PCDH15: variants seen among roughly 807,000 people sequenced by gnomAD.
PCDH15 encodes protocadherin related 15.
Under a neutral mutation model 178.5 loss-of-function variants are expected in PCDH15, and 129 were observed. The observed-to-expected ratio is 0.72, with a 90% CI of 0.63 to 0.84. PCDH15 has a LOEUF of 0.84. PCDH15 is among the 40% of genes least tolerant of loss of function. PCDH15 has a pLI of 0.00. For missense variants in PCDH15, 2,230 were observed against 2,099.9 expected (o/e 1.06, Z -1.21); for synonymous variants, 800 against 732.0 (o/e 1.09, Z -1.50).
At chr10:54,069,512 C>T (rs942242614) in intron 17 of PCDH15, among the ~76,000 whole-genome samples, 2 of 152,108 alleles carry the variant, frequency 1.3e-5, no homozygotes, top group African/African-American at 4.8e-5. Flanking sequence ...AAATCCATGT[C>T]TTACAGAAAT....
At chr10:54,316,529 TACACACACACACACACACACACAC>T (rs35604056) in intron 8 of PCDH15, among the ~76,000 whole-genome samples, 2 of 132,298 alleles carry the variant, frequency 1.5e-5, no homozygotes, top group African/African-American at 5.5e-5. Flanking sequence ...AATATGTGTA[TACACACACACACACACACACACAC>T]ACACACACAC....
At chr10:55,106,282 C>A (rs372148948) in intron 2 of PCDH15, among the ~76,000 whole-genome samples, 2 of 152,196 alleles carry the variant, frequency 1.3e-5, no homozygotes, top group African/African-American at 4.8e-5. Context: ...AATATGACTA[C>A]ATATGAAGAC....
At chr10:55,254,302 A>G (rs1841927975) in intron 1 of PCDH15, among the ~76,000 whole-genome samples, 1 of 152,130 alleles carries the variant, frequency 6.6e-6, no homozygotes, top group African/African-American at 2.4e-5. Flanking sequence ...TTGATTTTCT[A>G]TGTGGTTATG....
rs756714519 is a variant in PCDH15, at chr10:53,810,592, C to G, written c.4635G>C (p.Val1545=). 1 of 1,613,812 alleles carries G rather than the reference C, an allele frequency of 6.2e-7. No individual in the cohort carries two copies. The highest frequency in any genetic ancestry group is 8.5e-7 in the Non-Finnish European group (1 of 1,179,818). The stretch of plus-strand genomic sequence containing the variant: ...CATATTCTTCCTCAGCTTCACCAAC[C>G]ACCTCACCATATTCCTCCTGTCCAG... ...PPAGQEEYGE[V]VGEAEEEYEE... Residue 1545 remains valine, a synonymous_variant, in exon 37 of 38, where the codon GTG becomes GTC. Transcript: ENST00000644397.
At chr10:55,509,319 C>T (rs914571333) in intron 2 of PCDH15, among the ~76,000 whole-genome samples, 2 of 151,740 alleles carry the variant, frequency 1.3e-5, no homozygotes, top group African/African-American at 4.8e-5. Context: ...ACATAGTTCG[C>T]TGTTAAAAAC....
rs144361159 is a variant in PCDH15, at chr10:54,541,672, A to AG, written c.92-13796_92-13795insC. 0.089 allele frequency among the ~76,000 whole-genome samples: 13,508 copies of AG among 151,848 alleles called. 657 individuals carry two copies. Among genetic ancestry groups the AG allele is most frequent in the Non-Finnish European group, 0.11 (7,486 of 67,952 alleles). ...ATATAAAGGAGAAAGGAAAAGGATA[A>AG]TATTTGTGTCCATGTGGAAAACAAA... On this transcript the variant is annotated intron_variant, in intron 2 of 37. Coordinates refer to ENST00000644397, the MANE Select transcript of PCDH15 (RefSeq NM_001384140.1).
intron 2 of PCDH15, among the ~76,000 whole-genome samples, chr10:55,606,882 C>G (rs1339587040): frequency 7.4e-6 from 1 of 135,608 alleles, no homozygotes; most frequent in Non-Finnish European, 1.6e-5. Context: ...GCAACAAAAG[C>G]CAAAATTGAC....
intron 1 of PCDH15, among the ~76,000 whole-genome samples, chr10:54,733,842 A>C (rs1241821773): frequency 6.8e-6 from 1 of 148,062 alleles, no homozygotes; most frequent in African/African-American, 2.5e-5. Flanking sequence ...AATAATAAAA[A>C]GACTTAATTT....
At chr10:55,159,365 C>CTATATA (rs1181041481) in intron 2 of PCDH15, among the ~76,000 whole-genome samples, 6 of 17,272 alleles carry the variant, frequency 3.5e-4, no homozygotes, top group Admixed American at 2.4e-3. Context: ...ATCTATCTAT[C>CTATATA]TATCTATATA....
chr10:55,103,876 C>T (rs1167998856), intron 2 of PCDH15, among the ~76,000 whole-genome samples: 1 of 152,066 alleles, frequency 6.6e-6, no homozygotes, highest in Non-Finnish European at 1.5e-5. Flanking sequence ...AAGACAGTTG[C>T]TTACTGACAA....
At chr10:53,881,768 C>T (rs1211774257) in intron 26 of PCDH15, among the ~76,000 whole-genome samples, 2 of 151,894 alleles carry the variant, frequency 1.3e-5, no homozygotes, top group Non-Finnish European at 2.9e-5. Context: ...TTGTGGTTCA[C>T]AAAATATACT....
At chr10:54,959,796 A>G (rs2131882825) in intron 2 of PCDH15, among the ~76,000 whole-genome samples, 1 of 152,232 alleles carries the variant, frequency 6.6e-6, no homozygotes, top group Non-Finnish European at 1.5e-5. Context: ...AAAATTGTCC[A>G]GTTTTCTTGT....
intron 32 of PCDH15, among the ~76,000 whole-genome samples, chr10:53,825,622 T>C (rs1468093197): frequency 6.6e-6 from 1 of 151,610 alleles, no homozygotes; most frequent in East Asian, 1.9e-4. Context: ...TAGGAAGTTA[T>C]CATACGAAGT....
rs151196625 is a variant in PCDH15 at position 55,308,030 on chromosome 10, A to G, written c.-156+11569T>C. ...AGTCATACTAACATGCATTCCTATTAGTGCATTATCATTAAAAATTACTTT... is the reference window on the plus strand; with the variant it reads ...AGTCATACTAACATGCATTCCTATTGGTGCATTATCATTAAAAATTACTTT... On this transcript the variant is annotated intron_variant, in intron 1 of 5. Transcript: ENST00000458638. 7.9e-3 allele frequency among the ~76,000 whole-genome samples: 1,199 copies of G among 152,280 alleles called. 21 individuals are homozygous for G. The highest frequency in any genetic ancestry group is 0.028 in the African/African-American group (1,157 of 41,562).
At chr10:54,311,435 A>G (rs2060900966) in intron 8 of PCDH15, among the ~76,000 whole-genome samples, 1 of 152,078 alleles carries the variant, frequency 6.6e-6, no homozygotes. Flanking sequence ...TAGAAAATAA[A>G]GCCAAGGATT....
At chr10:54,792,175 C>G (rs1228201939) in intron 1 of PCDH15, among the ~76,000 whole-genome samples, 1 of 151,964 alleles carries the variant, frequency 6.6e-6, no homozygotes, top group African/African-American at 2.4e-5. Context: ...TATCTTTACT[C>G]TAAACAAAGG....
chr10:54,378,147 AC>A (rs1281844278), intron 4 of PCDH15, among the ~76,000 whole-genome samples: 5 of 151,286 alleles, frequency 3.3e-5, no homozygotes, highest in African/African-American at 9.7e-5. Context: ...CTGGACTCAA[AC>A]TCCTGGGCTC....
chr10:54,507,334 A>G, intron 3 of PCDH15, among the ~76,000 whole-genome samples: 1 of 151,440 alleles, frequency 6.6e-6, no homozygotes, highest in East Asian at 1.9e-4. Context: ...TATATAATTT[A>G]TACAAAAATA....
chr10:54,535,258 T>C (rs1344033956), intron 2 of PCDH15, among the ~76,000 whole-genome samples: 1 of 152,178 alleles, frequency 6.6e-6, no homozygotes, highest in Non-Finnish European at 1.5e-5. Context: ...CATCATTGCT[T>C]TCATCAATAC....
Sources: gnomAD v4.1 joint callset for allele counts (sites outside exome capture counted in the v4.1 genomes callset) on GRCh38, gnomAD v4.1.1 for gene constraint, MANE v1.5 for transcripts, NCBI Gene and HGNC (gene_info 2026-07-23, HGNC 2026-07-21) for gene names.